Variants in NT5C2 observed in about 807,000 individuals in gnomAD.
The protein encoded by NT5C2 is cytosolic purine 5'-nucleotidase.
In NT5C2, 58 loss-of-function variants were observed where a neutral mutation model predicts 76.1. The observed-to-expected ratio is 0.76, with a 90% CI of 0.62 to 0.95. The LOEUF (loss-of-function observed/expected upper bound fraction) is 0.95, where lower values mean the gene tolerates loss of function less well. Ranked by LOEUF, NT5C2 falls within the 40% of genes least tolerant of loss-of-function variation. The pLI, the probability that NT5C2 is intolerant of heterozygous loss-of-function variation, is 0.00. For missense variants in NT5C2, 478 were observed against 690.3 expected, an observed-to-expected ratio of 0.69 and a Z score of 3.45; for synonymous variants, 229 against 237.4, an observed-to-expected ratio of 0.96 and a Z score of 0.32.
chr10:103,182,275 C>T (rs1437028581), intron 1 of NT5C2, among the ~76,000 whole-genome samples: 2 of 152,048 alleles, frequency 1.3e-5, no homozygotes, highest in East Asian at 3.8e-4. Context: ...AGTATGTCAA[C>T]ATAGATAATA....
chr10:103,107,664 C>T (rs2071671664), intron 4 of NT5C2, among the ~76,000 whole-genome samples: 1 of 151,010 alleles, frequency 6.6e-6, no homozygotes, highest in African/African-American at 2.4e-5. Context: ...CAGAGCGAGA[C>T]TCTGTCTAAA....
intron 2 of NT5C2, among the ~76,000 whole-genome samples, chr10:103,176,499 G>A (rs1016359412): frequency 3.3e-5 from 5 of 152,134 alleles, no homozygotes; most frequent in Non-Finnish European, 2.9e-5. Flanking sequence ...GCCTCCCGCC[G>A]TTGAGTTTTA....
At chr10:103,139,209 C>T (rs891386298) in intron 4 of NT5C2, among the ~76,000 whole-genome samples, 197 bp downstream of exon 4, 7 of 152,132 alleles carry the variant, frequency 4.6e-5, no homozygotes, top group African/African-American at 1.7e-4. Context: ...TCTATGTGTA[C>T]AAACTCATGA....
At chr10:103,092,886 A>C (rs1221456791) in intron 15 of NT5C2, among the ~76,000 whole-genome samples, 4 of 143,754 alleles carry the variant, frequency 2.8e-5, no homozygotes, top group Non-Finnish European at 4.6e-5. Flanking sequence ...AACACAACTC[A>C]AGACGCCAAC....
rs138710030 is a variant in NT5C2 at position 103,090,647 on chromosome 10, G to A, written c.1413C>T (p.Tyr471=). The change falls in exon 18 of 19, where the codon TAC becomes TAT. Residue 471 remains tyrosine, a synonymous_variant. Coordinates refer to ENST00000404739, the MANE Select transcript of NT5C2 (RefSeq NM_001351169.2). ...YAASFINLLY[Y]PFSYLFRAAH... The stretch of plus-strand genomic sequence containing the variant: ...CAGCCCTGAAGAGGTAGCTGAAAGG[G>A]TAATACAGCAGGTTGATGAAAGATG... 1.5e-5 allele frequency: 24 copies of A among 1,613,984 alleles called. No homozygotes were observed. Among genetic ancestry groups the A allele is most frequent in the Non-Finnish European group, 1.9e-5 (23 of 1,180,020 alleles).
At chr10:103,153,443 G>A (rs760187058) in intron 3 of NT5C2, 19 of 1,138,404 alleles carry the variant, frequency 1.7e-5, no homozygotes, top group Middle Eastern at 4.8e-4. Context: ...GCACAATGCC[G>A]AACCCTAACT....
chr10:103,125,116 C>T (rs2076421535), intron 4 of NT5C2: 1 of 462,620 alleles, frequency 2.2e-6, no homozygotes, highest in Non-Finnish European at 4.0e-6. Context: ...TGAAACCAAA[C>T]TGGCAGGATG....
At chr10:103,114,074 A>G (rs750575463) in intron 4 of NT5C2, among the ~76,000 whole-genome samples, 11 of 152,236 alleles carry the variant, frequency 7.2e-5, no homozygotes, top group African/African-American at 1.9e-4. Context: ...CAATTGCGTG[A>G]TAACAGCCAA....
chr10:103,149,210 GTA>G (rs1466134299), intron 3 of NT5C2, among the ~76,000 whole-genome samples: 3 of 152,204 alleles, frequency 2.0e-5, no homozygotes, highest in Non-Finnish European at 2.9e-5. Context: ...ATTCTAGGTG[GTA>G]TATTGCCAGA....
chr10:103,169,742 A>G (rs371774957), intron 3 of NT5C2, among the ~76,000 whole-genome samples: 2 of 152,190 alleles, frequency 1.3e-5, no homozygotes, highest in Non-Finnish European at 2.9e-5. Context: ...GCACTTTTGG[A>G]GGCCGAGGCA....
intron 4 of NT5C2, among the ~76,000 whole-genome samples, chr10:103,129,569 G>A (rs2077569789): frequency 7.7e-6 from 1 of 129,394 alleles, no homozygotes. Context: ...GTCCGGGAGG[G>A]AGGTGGGGGT....
intron 1 of NT5C2, among the ~76,000 whole-genome samples, chr10:103,183,507 G>GTT (rs2091574271): frequency 7.7e-6 from 1 of 130,496 alleles, no homozygotes; most frequent in Admixed American, 7.8e-5. Context: ...TTAAACAAAT[G>GTT]CTTTTTTTTT....
chr10:103,101,167 C>G, intron 7 of NT5C2, 65 bp from the exon 8 acceptor site: 1 of 1,420,442 alleles, frequency 7.0e-7, no homozygotes, highest in Non-Finnish European at 1.0e-6. Flanking sequence ...TTCATTACCT[C>G]CCTTGAATAC....
At chr10:103,182,009 CA>C (rs372557039) in intron 1 of NT5C2, among the ~76,000 whole-genome samples, 341 of 124,590 alleles carry the variant, frequency 2.7e-3, no homozygotes, top group Admixed American at 2.9e-3. Context: ...GACTCTATCT[CA>C]AAAAAAAAAA....
rs117633209 is a variant in NT5C2, at chr10:103,172,166, C to T, written c.101+2692G>A. The stretch of plus-strand genomic sequence containing the variant: ...CAGAGGTTGCAGTGAGCTGAGACCG[C>T]GCCACTGTACTGAGAGACAAGAGCA... On this transcript the variant is annotated intron_variant, in intron 3 of 18. Coordinates refer to ENST00000404739, the MANE Select transcript of NT5C2 (RefSeq NM_001351169.2). Among the ~76,000 whole-genome samples the T allele has an allele frequency of 4.4e-3, 668 of 151,534 alleles. 23 individuals carry two copies. In the East Asian group the frequency reaches 0.073, roughly 17 times the overall value.
intron 3 of NT5C2, among the ~76,000 whole-genome samples, chr10:103,173,674 C>G (rs1002918291): frequency 6.6e-5 from 10 of 150,686 alleles, no homozygotes; most frequent in Non-Finnish European, 1.0e-4. Flanking sequence ...CACCTGTAAT[C>G]TCAGCACTTT....
intron 1 of NT5C2, among the ~76,000 whole-genome samples, chr10:103,184,699 A>G (rs886478394): frequency 6.6e-6 from 1 of 152,128 alleles, no homozygotes; most frequent in African/African-American, 2.4e-5. Context: ...CCCTTTTAAT[A>G]CTCTAAATGA....
chr10:103,156,151 A>C (rs1258523003), intron 3 of NT5C2, among the ~76,000 whole-genome samples: 1 of 151,906 alleles, frequency 6.6e-6, no homozygotes, highest in Non-Finnish European at 1.5e-5. Context: ...ACAGAGTGAG[A>C]CTCCATCTCT....
At chr10:103,164,333 C>G (rs771184946) in intron 3 of NT5C2, among the ~76,000 whole-genome samples, 3 of 152,136 alleles carry the variant, frequency 2.0e-5, no homozygotes, top group Non-Finnish European at 4.4e-5. Context: ...TCTTGGCTCA[C>G]TGCAACTTCT....
Sources: gnomAD v4.1 joint callset for allele counts (sites outside exome capture counted in the v4.1 genomes callset) on GRCh38, gnomAD v4.1.1 for gene constraint, MANE v1.5 for transcripts, NCBI Gene and HGNC (gene_info 2026-07-23, HGNC 2026-07-21) for gene names.